RASEF: variants seen among roughly 807,000 people sequenced by gnomAD.
RASEF encodes RAS and EF-hand domain containing.
Under a neutral mutation model 90.1 loss-of-function variants are expected in RASEF, and 68 were observed. That is an observed-to-expected ratio of 0.75 (90% CI 0.62 to 0.92). The LOEUF (loss-of-function observed/expected upper bound fraction) is 0.92. Ranked by LOEUF, RASEF falls within the 40% of genes least tolerant of loss-of-function variation. RASEF has a pLI of 0.00. For missense variants in RASEF, 949 were observed against 937.2 expected (o/e 1.01, Z -0.16); for synonymous variants, 331 against 345.2 (o/e 0.96, Z 0.46).
chr9:83,015,731 T>C (rs1829331448), intron 4 of RASEF, 74 bp downstream of exon 4: 2 of 1,044,508 alleles, frequency 1.9e-6, no homozygotes, highest in Middle Eastern at 2.0e-4. Context: ...ATTCCAAATG[T>C]TTTTGGTTGT....
At chr9:82,987,363 C>T (rs1024277747) in intron 16 of RASEF, among the ~76,000 whole-genome samples, 1 of 152,162 alleles carries the variant, frequency 6.6e-6, no homozygotes, top group East Asian at 1.9e-4. Flanking sequence ...ATAAATGATT[C>T]GCAAGAAGCT....
At chr9:83,111,838 TAATA>T in the RASEF span, among the ~76,000 whole-genome samples, 2 of 151,988 alleles carry the variant, frequency 1.3e-5, no homozygotes, top group East Asian at 3.9e-4. Context: ...TAAAGGAGAT[TAATA>T]AATAACAAAT....
intron 1 of RASEF, among the ~76,000 whole-genome samples, chr9:83,030,548 A>G (rs935916739): frequency 6.6e-6 from 1 of 152,222 alleles, no homozygotes; most frequent in Non-Finnish European, 1.5e-5. Flanking sequence ...AGAGAATTTC[A>G]AAAATAGTTT....
In RASEF at chr9:83,016,656, A is replaced by G. The variant is rs538893529; in HGVS notation, c.670-756T>C. On this transcript the variant is annotated intron_variant, in intron 3 of 16. Coordinates refer to ENST00000376447, the MANE Select transcript of RASEF (RefSeq NM_152573.4). ...GACAGAGAGGGGGATAATAAAACTG[A>G]TGTTCTCAGGCATTCTAGCAGAGAA... Among the ~76,000 whole-genome samples the G allele has an allele frequency of 5.9e-5, 9 of 152,238 alleles. No individual in the cohort carries two copies. The East Asian group carries it at 1.7e-3, about 29-fold the overall frequency.
At chr9:83,002,207 G>A (rs1829052826) in intron 9 of RASEF, among the ~76,000 whole-genome samples, 1 of 152,166 alleles carries the variant, frequency 6.6e-6, no homozygotes, top group Non-Finnish European at 1.5e-5. Context: ...TCAGATATGA[G>A]AAACAAGAAG....
At chr9:83,130,583 A>T in the RASEF span, among the ~76,000 whole-genome samples, 1 of 152,324 alleles carries the variant, frequency 6.6e-6, no homozygotes, top group South Asian at 2.1e-4. Context: ...AAACCATCTG[A>T]CTCACATGGG....
At chr9:82,992,286 T>C (rs1299227676) in intron 15 of RASEF, among the ~76,000 whole-genome samples, 1 of 152,146 alleles carries the variant, frequency 6.6e-6, no homozygotes, top group East Asian at 1.9e-4. Context: ...CAGAGCTAGG[T>C]AGCATTCTGA....
chr9:83,029,208 C>T (rs899881968), intron 1 of RASEF, among the ~76,000 whole-genome samples: 1 of 152,078 alleles, frequency 6.6e-6, no homozygotes, highest in African/African-American at 2.4e-5. Context: ...ACCTGATCAA[C>T]CATAAAATCA....
At chr9:83,055,395 G>T (rs1768150925) in intron 1 of RASEF, 1 of 509,964 alleles carries the variant, frequency 2.0e-6, no homozygotes, top group Middle Eastern at 5.0e-4. Flanking sequence ...GCCTCGCCCT[G>T]CTTCGGCTCG....
rs897630170 is a variant in RASEF, at chr9:83,020,107, C to T, written c.669+2229G>A. Among the ~76,000 whole-genome samples the T allele has an allele frequency of 1.2e-3, 188 of 151,832 alleles. 1 individual carries two copies. Among genetic ancestry groups the T allele is most frequent in the African/African-American group, 4.3e-3 (176 of 41,280 alleles). On this transcript the variant is annotated intron_variant, in intron 3 of 16. Transcript: ENST00000376447. ...CAGTTATACCTTCATAAAGCTGTTA[C>T]AGTTAAAAAAAAATACTAACTGAAG...
In RASEF at chr9:82,982,526, G is replaced by A. The variant is rs985915634; in HGVS notation, c.*151C>T. 1 of 593,694 alleles carries A rather than the reference G, an allele frequency of 1.7e-6. No individual in the cohort carries two copies. Among genetic ancestry groups the A allele is most frequent in the African/African-American group, 1.9e-5 (1 of 53,870 alleles). The allele number at this position is 593,694 out of a possible 1,614,324, so 36.8% of individuals were successfully genotyped here. ...AAAACAAAGAAGAGCCAAAGTTCCA[G>A]AGGGACCTGAGAGCTGGGTTCAGGT... On this transcript the variant is annotated 3_prime_UTR_variant, in exon 17 of 17. Coordinates refer to ENST00000376447, the MANE Select transcript of RASEF (RefSeq NM_152573.4).
At chr9:83,121,891 G>A in the RASEF span, among the ~76,000 whole-genome samples, 19 of 152,274 alleles carry the variant, frequency 1.2e-4, no homozygotes, top group Admixed American at 7.2e-4. Context: ...CCATAGGTAC[G>A]AAGTTAAGCA....
chr9:83,084,008 ATAAT>A, the RASEF span, among the ~76,000 whole-genome samples: 1 of 152,164 alleles, frequency 6.6e-6, no homozygotes, highest in Non-Finnish European at 1.5e-5. Context: ...TAATACATAA[ATAAT>A]TTATTTTATA....
chr9:83,114,334 T>C, the RASEF span, among the ~76,000 whole-genome samples: 1 of 152,324 alleles, frequency 6.6e-6, no homozygotes, highest in South Asian at 2.1e-4. Flanking sequence ...GTCAACTTCG[T>C]AAGCAGAGGA....
intron 13 of RASEF, 66 bp from the exon 14 acceptor site, chr9:82,997,192 C>A (rs920521996): frequency 3.0e-6 from 3 of 996,886 alleles, no homozygotes; most frequent in African/African-American, 3.2e-5. Context: ...CTTTTATGCT[C>A]ATTTTTTTCT....
chr9:83,214,780 G>A, the RASEF span, among the ~76,000 whole-genome samples: 173 of 152,108 alleles, frequency 1.1e-3, 3 homozygotes, highest in East Asian at 0.03. Flanking sequence ...CTTCCACCAT[G>A]ATTGTGAGGC....
chr9:83,011,762 G>A (rs924190421), intron 5 of RASEF, among the ~76,000 whole-genome samples: 1 of 151,904 alleles, frequency 6.6e-6, no homozygotes, highest in Non-Finnish European at 1.5e-5. Flanking sequence ...CTACAAGAAT[G>A]TCATTATCCA....
chr9:83,068,851 T>A, the RASEF span, among the ~76,000 whole-genome samples: 1 of 152,222 alleles, frequency 6.6e-6, no homozygotes, highest in Non-Finnish European at 1.5e-5. Flanking sequence ...GGATCAAAAC[T>A]CTGACAAAAG....
chr9:83,028,713 T>C (rs1364875155), intron 1 of RASEF, among the ~76,000 whole-genome samples: 2 of 152,202 alleles, frequency 1.3e-5, no homozygotes, highest in African/African-American at 4.8e-5. Flanking sequence ...TTCCTGGTAA[T>C]GTGTAAGGAA....
Sources: allele counts gnomAD v4.1 joint callset (sites outside exome capture counted in the v4.1 genomes callset), GRCh38; gene constraint gnomAD v4.1.1; transcripts MANE v1.5; gene names NCBI Gene and HGNC (gene_info 2026-07-23, HGNC 2026-07-21).